The following KCNQ1 variants were observed in gnomAD, a reference collection of about 807,000 sequenced individuals.
The protein encoded by KCNQ1 is potassium voltage-gated channel subfamily Q member 1, also known as potassium voltage-gated channel subfamily KQT member 1.
In KCNQ1, 49 loss-of-function variants were observed where a neutral mutation model predicts 72.4. The observed-to-expected ratio is 0.68, with a 90% CI of 0.54 to 0.86. The LOEUF (loss-of-function observed/expected upper bound fraction) is 0.86, where lower values mean the gene tolerates loss of function less well. Ranked by LOEUF, KCNQ1 falls within the 40% of genes least tolerant of loss-of-function variation. The pLI, the probability that KCNQ1 is intolerant of heterozygous loss-of-function variation, is 0.00. For synonymous variants in KCNQ1, 450 were observed against 412.6 expected (o/e 1.09, Z -1.10); for missense variants, 790 against 945.1 (o/e 0.84, Z 2.15).
intron 12 of KCNQ1, among the ~76,000 whole-genome samples, chr11:2,775,308 C>T (rs1846672734): frequency 6.6e-6 from 1 of 152,220 alleles, no homozygotes; most frequent in Non-Finnish European, 1.5e-5. Flanking sequence ...GAGCTGGCAA[C>T]AAGCCTGGGA....
At position 2,479,769 on chromosome 11, in the gene KCNQ1, C is replaced by T. The variant is rs1846625518; in HGVS notation, c.386+34285C>T. On this transcript the variant is annotated intron_variant, in intron 1 of 15. Coordinates refer to ENST00000155840, the MANE Select transcript of KCNQ1 (RefSeq NM_000218.3). The surrounding 1 kb of genome is among the most constrained non-coding windows in gnomAD (Gnocchi z 4.6). ...TTTCTGCAGGCTGCTTGACTTTCTC[C>T]TCAGAAAATGGGTTTTTATTTTCTA... 6.6e-6 allele frequency among the ~76,000 whole-genome samples: 1 copy of T among 152,210 alleles called. No homozygotes were observed. The highest frequency in any genetic ancestry group is 2.4e-5 in the African/African-American group (1 of 41,470).
Position 2,785,711 on chromosome 11 carries a change from A to G in KCNQ1, c.1794+7674A>G, listed in dbSNP as rs1355366797. ...TTTCCACTTGTACTAAATCTGTAAT[A>G]TTTATTTTTCTCCTCTTTCTTGCCT... On this transcript the variant is annotated intron_variant, in intron 15 of 15. Coordinates refer to ENST00000155840, the MANE Select transcript of KCNQ1 (RefSeq NM_000218.3). This position sits in a 1 kb window ranked among gnomAD's most constrained non-coding sequence, Gnocchi z 4.4. Among the ~76,000 whole-genome samples, 1 of 151,886 alleles carries G rather than the reference A, an allele frequency of 6.6e-6. No individual in the cohort carries two copies.
In KCNQ1 at chr11:2,698,238, A is replaced by T; in HGVS notation, c.1514+36157A>T. 2 of 398,666 alleles carry T rather than the reference A, an allele frequency of 5.0e-6. 1 individual carries two copies. The highest frequency in any genetic ancestry group is 7.1e-5 in the East Asian group (2 of 28,084). 24.7% of individuals were successfully genotyped at this position (398,666 alleles called of 1,614,324 possible). A position where few individuals can be genotyped will look rare whatever the true frequency, so the allele number is the denominator to read the frequency against. On this transcript the variant is annotated intron_variant, in intron 11 of 15. Transcript: ENST00000155840. This position sits in a 1 kb window ranked among gnomAD's most constrained non-coding sequence, Gnocchi z 5.1. Reference sequence around the variant, plus strand: ...ATGCACATCAAATGTGGATATTATCAGGAAAGTTTTTATACTTTGTGATAA... The same window carrying T: ...ATGCACATCAAATGTGGATATTATCTGGAAAGTTTTTATACTTTGTGATAA...
intron 1 of KCNQ1, among the ~76,000 whole-genome samples, chr11:2,519,696 GTTGT>G (rs2133632363): frequency 1.3e-5 from 2 of 152,174 alleles, no homozygotes; most frequent in South Asian, 4.1e-4. Flanking sequence ...ACCTAATTCT[GTTGT>G]TTAAGAATTC....
Position 2,579,156 on chromosome 11 carries a change from A to G in KCNQ1, c.922-4279A>G, listed in dbSNP as rs1848462443. 6.6e-6 allele frequency among the ~76,000 whole-genome samples: 1 copy of G among 152,132 alleles called. No individual in the cohort carries two copies. The highest frequency in any genetic ancestry group is 6.5e-5 in the Admixed American group (1 of 15,280). ...AGGGCTTGGCATGCGGCTGGAGCTC[A>G]GGTTTCTGGGCTGGCCTCTGTCCTC... is the stretch of plus-strand genomic sequence containing the variant. On this transcript the variant is annotated intron_variant, in intron 6 of 15. Transcript: ENST00000155840. This position sits in a 1 kb window ranked among gnomAD's most constrained non-coding sequence, Gnocchi z 6.0.
At chr11:2,445,624 A>T (rs1846026497) in intron 1 of KCNQ1, 140 bp downstream of exon 1, 2 of 1,017,850 alleles carry the variant, frequency 2.0e-6, no homozygotes, top group Non-Finnish European at 3.0e-6. Flanking sequence ...AAACGCAGAA[A>T]CACAAACTCT....
intron 1 of KCNQ1, among the ~76,000 whole-genome samples, chr11:2,510,673 C>T (rs745785663): frequency 4.6e-5 from 7 of 152,222 alleles, no homozygotes; most frequent in East Asian, 1.9e-4. Flanking sequence ...AAATTGAAGC[C>T]GCACTGGTGT....
In KCNQ1 at chr11:2,671,332, G is replaced by C. The variant is rs77981756; in HGVS notation, c.1514+9251G>C. 0.014 allele frequency: 5,616 copies of C among 398,490 alleles called. 193 individuals are homozygous for C. Among genetic ancestry groups the C allele is most frequent in the East Asian group, 0.095 (2,672 of 28,068 alleles). 24.7% of individuals were successfully genotyped at this position (398,490 alleles called of 1,614,324 possible). ...CCCATGTGTGGCTGCAGCCTCAGAG[G>C]CTCCCTCTGAAGATGACACTGGGAA... is the stretch of plus-strand genomic sequence containing the variant. On this transcript the variant is annotated intron_variant, in intron 11 of 15. Transcript: ENST00000155840. The surrounding 1 kb of genome is among the most constrained non-coding windows in gnomAD (Gnocchi z 4.7).
chr11:2,726,041 C>T (rs992618963), intron 11 of KCNQ1, among the ~76,000 whole-genome samples: 9 of 152,240 alleles, frequency 5.9e-5, no homozygotes, highest in Non-Finnish European at 8.8e-5. Context: ...TGGTTCACTC[C>T]GGCAGAGAAG....
intron 6 of KCNQ1, among the ~76,000 whole-genome samples, chr11:2,576,904 C>T (rs1004736109): frequency 3.3e-5 from 5 of 152,206 alleles, no homozygotes; most frequent in South Asian, 2.1e-4. Flanking sequence ...CCTGGAGTTC[C>T]GTGCAAAGGG....
At position 2,595,396 on chromosome 11, in the gene KCNQ1, CTTTGCTGATAATGCA is replaced by C. The variant is rs1848720354; in HGVS notation, c.1393+6546_1393+6560del. On this transcript the variant is annotated intron_variant, in intron 10 of 15. Transcript: ENST00000155840. This position sits in a 1 kb window ranked among gnomAD's most constrained non-coding sequence, Gnocchi z 5.0. ...GCGTGTCTCATTCTTATTGACTGCA[CTTTGCTGATAATGCA>C]TTTTTTACAAATTGAAGGTTTGTGG... 6.6e-6 allele frequency among the ~76,000 whole-genome samples: 1 copy of C among 152,180 alleles called. No homozygotes were observed.
In KCNQ1 at chr11:2,447,887, C is replaced by G. The variant is rs758924724; in HGVS notation, c.386+2403C>G. 3.3e-5 allele frequency among the ~76,000 whole-genome samples: 5 copies of G among 152,186 alleles called. No homozygotes were observed. Among genetic ancestry groups the G allele is most frequent in the Non-Finnish European group, 7.4e-5 (5 of 68,008 alleles). On this transcript the variant is annotated intron_variant, in intron 1 of 15. Coordinates refer to ENST00000155840, the MANE Select transcript of KCNQ1 (RefSeq NM_000218.3). This position sits in a 1 kb window ranked among gnomAD's most constrained non-coding sequence, Gnocchi z 7.6. ...CCTGTGTGCGCCTGGGGAAGCCAGCCAGGATATCCTGTCCCCTCCTCGGGG... is the reference window on the plus strand; with the variant it reads ...CCTGTGTGCGCCTGGGGAAGCCAGCGAGGATATCCTGTCCCCTCCTCGGGG...
rs955434286 is a variant in KCNQ1, at chr11:2,479,036, C to T, written c.386+33552C>T. Among the ~76,000 whole-genome samples the T allele has an allele frequency of 6.6e-6, 1 of 152,052 alleles. No individual in the cohort carries two copies. Among genetic ancestry groups the T allele is most frequent in the Non-Finnish European group, 1.5e-5 (1 of 68,042 alleles). On this transcript the variant is annotated intron_variant, in intron 1 of 15. Transcript: ENST00000155840. The surrounding 1 kb of genome is among the most constrained non-coding windows in gnomAD (Gnocchi z 4.6). The stretch of plus-strand genomic sequence containing the variant: ...TGCTCCAAAATGATCTCCATTGACT[C>T]CATGTCTCACATCTAGGTCATGCTG...
intron 10 of KCNQ1, chr11:2,615,486 A>G: frequency 2.5e-6 from 1 of 398,030 alleles, no homozygotes; most frequent in Non-Finnish European, 4.4e-6. Flanking sequence ...ACTCTTTGTT[A>G]TGGGAGAAAT....
At chr11:2,743,154 T>C (rs973483507) in intron 11 of KCNQ1, among the ~76,000 whole-genome samples, 17 of 152,184 alleles carry the variant, frequency 1.1e-4, no homozygotes, top group African/African-American at 4.1e-4. Flanking sequence ...GTTGTCATGT[T>C]TGAGAGGGAA....
chr11:2,561,082 G>A (rs868295092), intron 2 of KCNQ1, among the ~76,000 whole-genome samples: 1 of 151,574 alleles, frequency 6.6e-6, no homozygotes. Context: ...GGCGCCTGTA[G>A]TCCCAGCTAC....
At chr11:2,838,348 G>A (rs893071339) in intron 15 of KCNQ1, among the ~76,000 whole-genome samples, 12 of 152,272 alleles carry the variant, frequency 7.9e-5, no homozygotes, top group African/African-American at 2.4e-4. Flanking sequence ...AGGGACCGGC[G>A]CGCCGGGAAG....
At chr11:2,839,555 G>A (rs145239260) in intron 15 of KCNQ1, among the ~76,000 whole-genome samples, 6 of 152,290 alleles carry the variant, frequency 3.9e-5, no homozygotes, top group East Asian at 3.9e-4. Flanking sequence ...GGGCTATGAC[G>A]AGGTGAGGGC....
At chr11:2,751,993 C>T (rs1189545079) in intron 11 of KCNQ1, among the ~76,000 whole-genome samples, 4 of 152,268 alleles carry the variant, frequency 2.6e-5, no homozygotes, top group East Asian at 1.9e-4. Context: ...TCTCGGTTGC[C>T]GCTGCCACCT....
Sources: gnomAD v4.1 joint callset for allele counts (sites outside exome capture counted in the v4.1 genomes callset) on GRCh38, gnomAD v4.1.1 for gene constraint, Gnocchi (gnomAD v3.1) non-coding constraint, MANE v1.5 for transcripts, NCBI Gene and HGNC (gene_info 2026-07-23, HGNC 2026-07-21) for gene names.